Variants in LRRC4C observed in about 807,000 individuals in gnomAD.
LRRC4C encodes leucine rich repeat containing 4C.
A neutral mutation model predicts 33.6 loss-of-function variants in LRRC4C; 5 were observed. The observed-to-expected ratio is 0.15, with a 90% confidence interval of 0.08 to 0.31. The LOEUF (loss-of-function observed/expected upper bound fraction) is 0.31. LRRC4C is among the 10% of genes least tolerant of loss of function. The pLI is 1.00. For missense variants in LRRC4C, 560 were observed against 796.7 expected (o/e 0.70, Z 3.58); for synonymous variants, 329 against 302.0 (o/e 1.09, Z -0.93).
At chr11:41,445,045 C>T (rs970566570) in intron 1 of LRRC4C, among the ~76,000 whole-genome samples, 18 of 152,122 alleles carry the variant, frequency 1.2e-4, no homozygotes, top group East Asian at 3.9e-4. Flanking sequence ...TCAGGTGATC[C>T]GCCTGCCTTG....
At chr11:40,259,017 C>T (rs1307105757) in intron 4 of LRRC4C, among the ~76,000 whole-genome samples, 2 of 152,176 alleles carry the variant, frequency 1.3e-5, no homozygotes, top group Non-Finnish European at 2.9e-5. Context: ...CTTGTAACAA[C>T]TCTCTGAGTT....
intron 3 of LRRC4C, among the ~76,000 whole-genome samples, chr11:40,476,342 C>CTTTCTTTTTTTTTTTTTT (rs1555074955): frequency 1.2e-5 from 1 of 81,368 alleles, no homozygotes; most frequent in Non-Finnish European, 2.5e-5. Context: ...TTTTTTTCTT[C>CTTTCTTTTTTTTTTTTTT]TTTTTTTTTT....
At chr11:41,065,329 G>A (rs1315306276) in intron 1 of LRRC4C, among the ~76,000 whole-genome samples, 1 of 152,142 alleles carries the variant, frequency 6.6e-6, no homozygotes, top group East Asian at 1.9e-4. Flanking sequence ...AAGCGACTAT[G>A]GCCAGACTGC....
At chr11:40,490,300 C>T (rs1390229552) in intron 3 of LRRC4C, among the ~76,000 whole-genome samples, 1 of 152,122 alleles carries the variant, frequency 6.6e-6, no homozygotes, top group African/African-American at 2.4e-5. Flanking sequence ...AAGCACTCAT[C>T]TGCCTTTTCA....
intron 6 of LRRC4C, among the ~76,000 whole-genome samples, chr11:40,127,906 C>T (rs971357977): frequency 1.3e-5 from 2 of 152,176 alleles, no homozygotes; most frequent in East Asian, 1.9e-4. Context: ...TCTTTGATAT[C>T]TAGAGTGGCT....
intron 1 of LRRC4C, among the ~76,000 whole-genome samples, chr11:41,263,693 A>C (rs1169899383): frequency 6.6e-6 from 1 of 152,150 alleles, no homozygotes; most frequent in Admixed American, 6.6e-5. Flanking sequence ...TTGTTGATGT[A>C]AGACAGGTCA....
chr11:40,615,508 C>T (rs1229186250), intron 3 of LRRC4C, among the ~76,000 whole-genome samples: 1 of 151,396 alleles, frequency 6.6e-6, no homozygotes, highest in Non-Finnish European at 1.5e-5. Context: ...CCTATCCATG[C>T]CAATATTTAC....
intron 3 of LRRC4C, among the ~76,000 whole-genome samples, chr11:40,536,917 A>G (rs1018294265): frequency 6.6e-5 from 10 of 152,236 alleles, no homozygotes; most frequent in African/African-American, 1.9e-4. Context: ...TTCATTGTCA[A>G]CTACCCTTTC....
intron 1 of LRRC4C, among the ~76,000 whole-genome samples, chr11:41,101,386 C>T (rs535631889): frequency 3.3e-5 from 5 of 152,068 alleles, no homozygotes; most frequent in East Asian, 3.9e-4. Flanking sequence ...GGGCAACAAG[C>T]GTATGAAAAA....
chr11:41,043,547 T>C (rs1857576844), intron 1 of LRRC4C, among the ~76,000 whole-genome samples: 1 of 152,136 alleles, frequency 6.6e-6, no homozygotes, highest in Non-Finnish European at 1.5e-5. Flanking sequence ...AGTCTTTACT[T>C]TGTGCCACAC....
chr11:41,059,710 G>A (rs527904008), intron 1 of LRRC4C, among the ~76,000 whole-genome samples: 2 of 152,212 alleles, frequency 1.3e-5, no homozygotes, highest in South Asian at 4.1e-4. Flanking sequence ...GTAGTCCTTA[G>A]GTAGGCAGCA....
chr11:40,365,756 T>G (rs1027860852), intron 3 of LRRC4C, among the ~76,000 whole-genome samples: 1 of 152,054 alleles, frequency 6.6e-6, no homozygotes, highest in African/African-American at 2.4e-5. Flanking sequence ...ATTAACTTCA[T>G]TGTCACTTTG....
At chr11:41,162,977 G>A (rs1944540146) in intron 1 of LRRC4C, among the ~76,000 whole-genome samples, 1 of 152,158 alleles carries the variant, frequency 6.6e-6, no homozygotes, top group Non-Finnish European at 1.5e-5. Context: ...CATATTGTGG[G>A]ATAAACCAGA....
At chr11:40,880,105 G>A (rs1955094595) in intron 2 of LRRC4C, among the ~76,000 whole-genome samples, 1 of 152,112 alleles carries the variant, frequency 6.6e-6, no homozygotes, top group South Asian at 2.1e-4. Flanking sequence ...AGGCAGGCAT[G>A]AGTAGGTGTA....
At chr11:40,525,179 G>C (rs905963587) in intron 3 of LRRC4C, among the ~76,000 whole-genome samples, 1 of 152,150 alleles carries the variant, frequency 6.6e-6, no homozygotes, top group African/African-American at 2.4e-5. Context: ...GGGCGCCGTG[G>C]CTCACACCTG....
intron 1 of LRRC4C, among the ~76,000 whole-genome samples, chr11:40,955,836 G>A (rs1470127992): frequency 6.6e-6 from 1 of 151,804 alleles, no homozygotes; most frequent in Non-Finnish European, 1.5e-5. Flanking sequence ...ACAAAATGTT[G>A]ATGAACACTT....
chr11:40,419,028 T>A (rs1331358475), intron 3 of LRRC4C, among the ~76,000 whole-genome samples: 1 of 152,014 alleles, frequency 6.6e-6, no homozygotes, highest in African/African-American at 2.4e-5. Context: ...TACTCTGGGC[T>A]TAATAACTAG....
At chr11:40,503,383 G>A (rs1954873052) in intron 3 of LRRC4C, among the ~76,000 whole-genome samples, 1 of 152,152 alleles carries the variant, frequency 6.6e-6, no homozygotes, top group African/African-American at 2.4e-5. Flanking sequence ...TTGAATAAAT[G>A]AATTACACTT....
At chr11:40,424,823 C>T (rs1413092806) in intron 3 of LRRC4C, among the ~76,000 whole-genome samples, 11 of 152,200 alleles carry the variant, frequency 7.2e-5, no homozygotes, top group African/African-American at 2.4e-4. Context: ...CTGAAAGCCT[C>T]TGAGGAAAAG....
Sources: allele counts gnomAD v4.1 joint callset (sites outside exome capture counted in the v4.1 genomes callset), GRCh38; gene constraint gnomAD v4.1.1; transcripts MANE v1.5; gene names NCBI Gene and HGNC (gene_info 2026-07-23, HGNC 2026-07-21).